Variants in AGBL1 observed in about 807,000 individuals in gnomAD.
The protein encoded by AGBL1 is cytosolic carboxypeptidase 4.
AGBL1 carries 130 observed loss-of-function variants against 118.9 expected under a neutral mutation model. The observed-to-expected ratio is 1.09, with a 90% CI of 0.95 to 1.26. The LOEUF (loss-of-function observed/expected upper bound fraction) is 1.26. Ranked by LOEUF, AGBL1 falls within the 50% of genes most tolerant of loss-of-function variation. The pLI is 0.00. For missense variants in AGBL1, 1,584 were observed against 1,298.1 expected (o/e 1.22, Z -3.38); for synonymous variants, 555 against 478.9 (o/e 1.16, Z -2.08).
intron 17 of AGBL1, among the ~76,000 whole-genome samples, chr15:86,324,647 C>T (rs1713279579): frequency 6.6e-6 from 1 of 152,002 alleles, no homozygotes; most frequent in African/African-American, 2.4e-5. Context: ...GATAAACTGT[C>T]CAGTTAACAA....
chr15:86,904,787 A>G lies in AGBL1; in HGVS notation c.3159-2300A>G, dbSNP rs552085845. Among the ~76,000 whole-genome samples the G allele has an allele frequency of 2.0e-5, 3 of 151,204 alleles. No homozygotes were observed. In the East Asian group the frequency reaches 5.8e-4, roughly 29 times the overall value. ...TATAAAAATATTTTAAAAATAAATT[A>G]AAAAGTAATTCCACAAAAGATGATT... On this transcript the variant is annotated intron_variant, in intron 22 of 22. Transcript: ENST00000614907.
chr15:86,128,539 C>T (rs909738288), intron 1 of AGBL1, among the ~76,000 whole-genome samples: 1 of 152,228 alleles, frequency 6.6e-6, no homozygotes, highest in Non-Finnish European at 1.5e-5. Flanking sequence ...AGCTGGATCA[C>T]CAGGCGCAGA....
chr15:86,562,475 G>A (rs1171691141), intron 21 of AGBL1, among the ~76,000 whole-genome samples: 8 of 152,334 alleles, frequency 5.3e-5, no homozygotes, highest in Admixed American at 3.3e-4. Context: ...GACCAGCCAT[G>A]CATCCCAGGG....
chr15:86,395,698 G>A (rs2081350936), intron 17 of AGBL1, among the ~76,000 whole-genome samples: 3 of 128,424 alleles, frequency 2.3e-5, no homozygotes, highest in Non-Finnish European at 3.5e-5. Context: ...CAGTAAAAAT[G>A]CACTGATCTA....
chr15:86,579,254 C>A (rs2084140466), intron 21 of AGBL1, among the ~76,000 whole-genome samples: 1 of 152,084 alleles, frequency 6.6e-6, no homozygotes, highest in South Asian at 2.1e-4. Flanking sequence ...AAAATGGAAT[C>A]CTGGGCAAAA....
chr15:86,833,397 T>A (rs1428229300), intron 22 of AGBL1, among the ~76,000 whole-genome samples: 1 of 152,074 alleles, frequency 6.6e-6, no homozygotes, highest in Non-Finnish European at 1.5e-5. Flanking sequence ...GGCTGGTTTT[T>A]CCCATGCTAT....
At chr15:86,189,714 C>T (rs1340528760) in intron 5 of AGBL1, among the ~76,000 whole-genome samples, 1 of 152,182 alleles carries the variant, frequency 6.6e-6, no homozygotes, top group Non-Finnish European at 1.5e-5. Context: ...TGGAAGCCCT[C>T]ACCAGAAGCA....
chr15:86,987,634 G>T (rs2081298133), intron 23 of AGBL1, among the ~76,000 whole-genome samples: 1 of 151,942 alleles, frequency 6.6e-6, no homozygotes, highest in Non-Finnish European at 1.5e-5. Context: ...ATCATTAATA[G>T]GTATTGGAAT....
At chr15:86,873,088 G>A (rs1181575767) in intron 22 of AGBL1, among the ~76,000 whole-genome samples, 3 of 152,036 alleles carry the variant, frequency 2.0e-5, no homozygotes, top group African/African-American at 7.2e-5. Flanking sequence ...GGTGGGAACT[G>A]AAGAAAAAAA....
rs2083729313 is a variant in AGBL1 at position 86,556,079 on chromosome 15, G to T, written c.2994+1542G>T. 1.0e-5 allele frequency: 6 copies of T among 595,974 alleles called. No individual in the cohort carries two copies. The Admixed American group carries it at 1.8e-4, about 18-fold the overall frequency. The allele number at this position is 595,974 out of a possible 1,614,324, so 36.9% of individuals were successfully genotyped here. On this transcript the variant is annotated intron_variant, in intron 21 of 22. Transcript: ENST00000614907. ...ACTGTCATTGAGTTTGTTTCTCCAA[G>T]CACCAATTCAAACAAACAGCTTCTA... is the stretch of plus-strand genomic sequence containing the variant.
intron 21 of AGBL1, among the ~76,000 whole-genome samples, chr15:86,640,852 T>C (rs1215467660): frequency 6.6e-6 from 1 of 152,148 alleles, no homozygotes; most frequent in African/African-American, 2.4e-5. Context: ...GTCTAGAAGA[T>C]TGCCTCTCTT....
chr15:86,501,611 G>A (rs1163459071), intron 18 of AGBL1, among the ~76,000 whole-genome samples: 1 of 151,442 alleles, frequency 6.6e-6, no homozygotes, highest in Admixed American at 6.6e-5. Flanking sequence ...TTGTTTTGGG[G>A]TTAATTTTCA....
chr15:86,519,573 G>A (rs1596216929), intron 18 of AGBL1, among the ~76,000 whole-genome samples: 1 of 152,158 alleles, frequency 6.6e-6, no homozygotes, highest in Non-Finnish European at 1.5e-5. Flanking sequence ...AAAAGGAAAA[G>A]CACTCAAGTT....
intron 18 of AGBL1, among the ~76,000 whole-genome samples, chr15:86,515,033 A>C (rs1223118638): frequency 1.3e-5 from 2 of 152,096 alleles, no homozygotes; most frequent in African/African-American, 4.8e-5. Flanking sequence ...ACTCTCCTTT[A>C]TGGAAATTTA....
intron 21 of AGBL1, among the ~76,000 whole-genome samples, chr15:86,603,656 C>T (rs946692246): frequency 6.6e-6 from 1 of 152,030 alleles, no homozygotes; most frequent in Non-Finnish European, 1.5e-5. Context: ...GAGCCTGACC[C>T]CTTCCCTCTC....
At chr15:86,861,592 T>C (rs2141481045) in intron 22 of AGBL1, among the ~76,000 whole-genome samples, 1 of 152,312 alleles carries the variant, frequency 6.6e-6, no homozygotes, top group Admixed American at 6.5e-5. Flanking sequence ...AGTTTTCCCG[T>C]TTTTACAATT....
At chr15:86,272,165 C>T (rs959643333) in intron 15 of AGBL1, among the ~76,000 whole-genome samples, 1 of 152,098 alleles carries the variant, frequency 6.6e-6, no homozygotes, top group African/African-American at 2.4e-5. Flanking sequence ...CTCCCCATAG[C>T]AAGGTAATTT....
intron 22 of AGBL1, among the ~76,000 whole-genome samples, chr15:86,718,212 C>A (rs937904465): frequency 5.3e-5 from 8 of 152,186 alleles, no homozygotes; most frequent in African/African-American, 1.9e-4. Flanking sequence ...AGAAAACCAT[C>A]CTGTGTTGAG....
At chr15:87,014,105 G>A (rs191254161) in intron 24 of AGBL1, among the ~76,000 whole-genome samples, 1 of 152,088 alleles carries the variant, frequency 6.6e-6, no homozygotes, top group Non-Finnish European at 1.5e-5. Flanking sequence ...CCAACACATT[G>A]CTTGGTTTAA....
Sources: gnomAD v4.1 joint callset for allele counts (sites outside exome capture counted in the v4.1 genomes callset) on GRCh38, gnomAD v4.1.1 for gene constraint, MANE v1.5 for transcripts, NCBI Gene and HGNC (gene_info 2026-07-23, HGNC 2026-07-21) for gene names.